RIN3: variants seen among roughly 807,000 people sequenced by gnomAD.
RIN3 encodes the protein Ras and Rab interactor 3.
In RIN3, 54 loss-of-function variants were observed where a neutral mutation model predicts 76.3. The ratio of observed to expected loss-of-function variants is 0.71; its 90% CI spans 0.57 to 0.89. RIN3 has a LOEUF of 0.89. Ranked by LOEUF, RIN3 falls within the 40% of genes least tolerant of loss-of-function variation. The pLI is 0.00. For synonymous variants in RIN3, 576 were observed against 564.0 expected, an observed-to-expected ratio of 1.02 and a Z score of -0.30; for missense variants, 1,256 against 1,322.1, an observed-to-expected ratio of 0.95 and a Z score of 0.78.
At chr14:92,544,519 C>A (rs553452319) in intron 1 of RIN3, among the ~76,000 whole-genome samples, 73 of 151,820 alleles carry the variant, frequency 4.8e-4, no homozygotes, top group Middle Eastern at 6.8e-3. Context: ...ATCTTGATGA[C>A]CTTCCAACAT....
intron 4 of RIN3, among the ~76,000 whole-genome samples, chr14:92,616,643 G>A (rs970385998): frequency 6.6e-6 from 1 of 152,126 alleles, no homozygotes; most frequent in East Asian, 1.9e-4. Context: ...ACCTATTGGG[G>A]ATCAAGGAAC....
intron 2 of RIN3, among the ~76,000 whole-genome samples, chr14:92,558,132 T>C (rs1897652744): frequency 6.6e-6 from 1 of 152,188 alleles, no homozygotes; most frequent in East Asian, 1.9e-4. Context: ...GGGGATTCCT[T>C]GAGCCCAGGA....
intron 9 of RIN3, chr14:92,687,644 T>G: frequency 2.1e-6 from 1 of 474,542 alleles, no homozygotes; most frequent in Non-Finnish European, 3.7e-6. Flanking sequence ...ATGGGGAGCC[T>G]GTGGACCAGC....
chr14:92,589,085 C>T (rs1884888139), intron 3 of RIN3, among the ~76,000 whole-genome samples: 1 of 152,168 alleles, frequency 6.6e-6, no homozygotes, highest in South Asian at 2.1e-4. Flanking sequence ...CTTAGGTGCA[C>T]AGTGAAGTTT....
intron 8 of RIN3, among the ~76,000 whole-genome samples, chr14:92,678,474 C>A: frequency 8.3e-6 from 1 of 121,018 alleles, no homozygotes; most frequent in East Asian, 2.9e-4. Context: ...CCCATCCACC[C>A]ACCCACCCAC....
At chr14:92,668,031 T>C (rs4331280) in intron 7 of RIN3, among the ~76,000 whole-genome samples, 27,841 of 152,230 alleles carry the variant, frequency 0.18, 2,819 homozygotes, top group East Asian at 0.32. Flanking sequence ...TCTTTCATAA[T>C]AATTGTGTCT....
In RIN3 at chr14:92,592,306, CAA is replaced by C. The variant is rs1253808120; in HGVS notation, c.367+14830_367+14831del. Among the ~76,000 whole-genome samples, 4 of 149,014 alleles carry C rather than the reference CAA, an allele frequency of 2.7e-5. No homozygotes were observed. In the East Asian group the frequency reaches 6.1e-4, roughly 23 times the overall value. On this transcript the variant is annotated intron_variant, in intron 3 of 9. Transcript: ENST00000216487. ...ATCCCAGCTACTCGAGAGGCTGAGA[CAA>C]GAGAATTGCTTGAACCCAGGAAGCA...
intron 3 of RIN3, among the ~76,000 whole-genome samples, chr14:92,612,009 G>C (rs916838308): frequency 7.2e-5 from 11 of 152,216 alleles, no homozygotes; most frequent in African/African-American, 9.6e-5. Flanking sequence ...TTTTAAACAA[G>C]CAAATCTCGT....
chr14:92,523,753 GC>G (rs1896656411), intron 1 of RIN3, among the ~76,000 whole-genome samples: 1 of 152,210 alleles, frequency 6.6e-6, no homozygotes, highest in East Asian at 1.9e-4. Flanking sequence ...CTTTGACAGG[GC>G]TAGGTTTGCT....
intron 1 of RIN3, among the ~76,000 whole-genome samples, chr14:92,524,550 G>A (rs887943449): frequency 6.6e-5 from 10 of 152,228 alleles, no homozygotes; most frequent in African/African-American, 2.4e-4. Context: ...GGCATAAGAG[G>A]CCCCAAGAAT....
chr14:92,564,434 G>T (rs1224068019), intron 2 of RIN3, among the ~76,000 whole-genome samples: 23 of 152,178 alleles, frequency 1.5e-4, no homozygotes. Flanking sequence ...GCCTCTTAGG[G>T]ACTGGGAAAG....
At chr14:92,558,392 A>G (rs2140037945) in intron 2 of RIN3, among the ~76,000 whole-genome samples, 1 of 152,278 alleles carries the variant, frequency 6.6e-6, no homozygotes, top group East Asian at 1.9e-4. Flanking sequence ...ACTAAAAATA[A>G]CTGTAGTGGT....
intron 1 of RIN3, among the ~76,000 whole-genome samples, chr14:92,530,452 C>T (rs1291829546): frequency 6.6e-6 from 1 of 152,226 alleles, no homozygotes; most frequent in East Asian, 1.9e-4. Context: ...AGATTTGACA[C>T]TACTAATTGC....
chr14:92,556,613 C>CAGAG, intron 2 of RIN3, among the ~76,000 whole-genome samples: 1 of 39,000 alleles, frequency 2.6e-5, no homozygotes, highest in African/African-American at 8.1e-5. Flanking sequence ...TATGGACATA[C>CAGAG]AGACAGACAA....
chr14:92,532,334 T>C (rs1224314303), intron 1 of RIN3, among the ~76,000 whole-genome samples: 3 of 152,158 alleles, frequency 2.0e-5, no homozygotes, highest in Non-Finnish European at 4.4e-5. Flanking sequence ...CTTTCCAGGA[T>C]ACAGGGTTTT....
chr14:92,523,006 A>G (rs1292556398), intron 1 of RIN3, among the ~76,000 whole-genome samples: 1 of 152,230 alleles, frequency 6.6e-6, no homozygotes, highest in Non-Finnish European at 1.5e-5. Context: ...GGATAGAACA[A>G]CAATATATTA....
chr14:92,641,341 C>T lies in RIN3; in HGVS notation c.532+12C>T. On this transcript the variant is annotated intron_variant, in intron 5 of 9. Transcript: ENST00000216487. ...CAACCTGGGTCTGGGTGAGTCTTCT[C>T]CGAGGGGTTAGGGGAGCTGGTGGGG... 2 of 1,606,028 alleles carry T rather than the reference C, an allele frequency of 1.2e-6. No homozygotes were observed. Among genetic ancestry groups the T allele is most frequent in the Non-Finnish European group, 1.7e-6 (2 of 1,172,716 alleles).
intron 1 of RIN3, among the ~76,000 whole-genome samples, chr14:92,542,423 G>A (rs1015070188): frequency 1.3e-5 from 2 of 152,180 alleles, no homozygotes; most frequent in African/African-American, 4.8e-5. Context: ...TATAACAAGT[G>A]TTGGAAAGGT....
At chr14:92,577,079 A>T (rs905263808) in intron 2 of RIN3, among the ~76,000 whole-genome samples, 2 of 152,152 alleles carry the variant, frequency 1.3e-5, no homozygotes, top group African/African-American at 2.4e-5. Context: ...TCCCCCCACC[A>T]TGGACTCTGT....
Sources: gnomAD v4.1 joint callset for allele counts (sites outside exome capture counted in the v4.1 genomes callset) on GRCh38, gnomAD v4.1.1 for gene constraint, MANE v1.5 for transcripts, NCBI Gene and HGNC (gene_info 2026-07-23, HGNC 2026-07-21) for gene names.